PDPK1: variants seen among roughly 807,000 people sequenced by gnomAD.
PDPK1 encodes 3-phosphoinositide dependent protein kinase 1, also known as 3-phosphoinositide-dependent protein kinase 1.
A neutral mutation model predicts 39.8 loss-of-function variants in PDPK1; 7 were observed. The observed-to-expected ratio is 0.18, with a 90% CI of 0.10 to 0.33. PDPK1 has a LOEUF of 0.33. PDPK1 is among the 10% of genes least tolerant of loss of function. The pLI is 1.00. For missense variants in PDPK1, 182 were observed against 384.7 expected, an observed-to-expected ratio of 0.47 and a Z score of 4.41; for synonymous variants, 118 against 159.1, an observed-to-expected ratio of 0.74 and a Z score of 1.95.
In PDPK1 at chr16:2,595,877, C is replaced by G. The variant is rs200084489; in HGVS notation, c.1401+27C>G. 14 of 1,579,038 alleles carry G rather than the reference C, an allele frequency of 8.9e-6. No homozygotes were observed. The South Asian group carries it at 1.5e-4, about 17-fold the overall frequency. ...TGAGTGGTCAGTGGTCCCGCTGCTC[C>G]GCACGGACACCTGCATCTTCCCCGA... On this transcript the variant is annotated intron_variant, in intron 12 of 13. Coordinates refer to ENST00000342085, the MANE Select transcript of PDPK1 (RefSeq NM_002613.5).
Position 2,593,759 on chromosome 16 carries a change from G to A in PDPK1, c.1344-2034G>A, listed in dbSNP as rs2067040592. ...TCCTTTGTTGTTCCTCTGCGCTGTTGCCTGGTCACAGGCCTGTCTGTCAGA... is the reference window on the plus strand; with the variant it reads ...TCCTTTGTTGTTCCTCTGCGCTGTTACCTGGTCACAGGCCTGTCTGTCAGA... On this transcript the variant is annotated intron_variant, in intron 11 of 13. Coordinates refer to ENST00000342085, the MANE Select transcript of PDPK1 (RefSeq NM_002613.5). The surrounding 1 kb of genome is among the most constrained non-coding windows in gnomAD (Gnocchi z 4.2). The A allele has an allele frequency of 6.5e-6, 1 of 153,266 alleles. No homozygotes were observed. The highest frequency in any genetic ancestry group is 6.5e-5 in the Admixed American group (1 of 15,372). The allele number at this position is 153,266 out of a possible 1,614,324, so 9.5% of individuals were successfully genotyped here.
chr16:2,539,037 A>T, intron 1 of PDPK1: 2 of 208,538 alleles, frequency 9.6e-6, no homozygotes, highest in Non-Finnish European at 2.0e-5. Flanking sequence ...ATGAAGGAAA[A>T]CCCAAGAAAT....
At chr16:2,552,400 TGGGC>T (rs2066431788) in intron 1 of PDPK1, among the ~76,000 whole-genome samples, 1 of 151,652 alleles carries the variant, frequency 6.6e-6, no homozygotes, top group Non-Finnish European at 1.5e-5. Flanking sequence ...AGTTTACCCA[TGGGC>T]TACATTTTTA....
intron 1 of PDPK1, among the ~76,000 whole-genome samples, chr16:2,546,651 C>T (rs1383250378): frequency 1.3e-5 from 2 of 152,182 alleles, no homozygotes; most frequent in African/African-American, 2.4e-5. Flanking sequence ...CCCTTCTAAC[C>T]TTAAGCTGCT....
intron 1 of PDPK1, chr16:2,538,342 G>A (rs2066175697): frequency 5.0e-6 from 2 of 399,952 alleles, no homozygotes; most frequent in African/African-American, 4.2e-5. Flanking sequence ...GGTTGCGGCG[G>A]GCGGCGGCCT....
intron 6 of PDPK1, among the ~76,000 whole-genome samples, chr16:2,573,466 A>G (rs62039661): frequency 0.012 from 495 of 41,542 alleles, 2 homozygotes; most frequent in African/African-American, 0.069. Context: ...TGTAGTTTTC[A>G]GAGTATAAGC....
rs374109213 is a variant in PDPK1, at chr16:2,539,855, G to C, written c.24+1719G>C. Among the ~76,000 whole-genome samples the C allele has an allele frequency of 1.4e-3, 214 of 152,306 alleles. 1 individual carries two copies. Among genetic ancestry groups the C allele is most frequent in the African/African-American group, 3.5e-3 (145 of 41,556 alleles). Reference sequence around the variant, plus strand: ...TGGTGTCATCCACGGGAAGAGGAAAGAGCAAATTTTCTCATGGCCTTGGCA... The same window carrying C: ...TGGTGTCATCCACGGGAAGAGGAAACAGCAAATTTTCTCATGGCCTTGGCA... On this transcript the variant is annotated intron_variant, in intron 1 of 13. Transcript: ENST00000342085.
Position 2,597,070 on chromosome 16 carries a change from A to G in PDPK1, c.1402-53A>G. The G allele has an allele frequency of 1.4e-6, 2 of 1,456,648 alleles. No homozygotes were observed. Among genetic ancestry groups the G allele is most frequent in the Non-Finnish European group, 1.8e-6 (2 of 1,083,910 alleles). The allele number at this position is 1,456,648 out of a possible 1,614,324, so 90.2% of individuals were successfully genotyped here. A position where few individuals can be genotyped will look rare whatever the true frequency, so the allele number is the denominator to read the frequency against. On this transcript the variant is annotated intron_variant, in intron 12 of 13. Transcript: ENST00000342085. This position sits in a 1 kb window ranked among gnomAD's most constrained non-coding sequence, Gnocchi z 6.3. ...GCCGCCCAGCCCTCTAGGCTCCAGG[A>G]GATGCCGTCAGCACTGGCCTCTGAG...
In PDPK1 at chr16:2,597,720, G is replaced by A. The variant is rs772355571; in HGVS notation, c.1624G>A (p.Val542Ile). The A allele has an allele frequency of 6.2e-7, 1 of 1,613,656 alleles. No individual in the cohort carries two copies. The highest frequency in any genetic ancestry group is 2.2e-5 in the East Asian group (1 of 44,870). ...CAAGTGGTGCAGGAAGATCCAGGAG[G>A]TTTGGAGGCAGCGATACCAGAGCCA... ...AHKWCRKIQEVWRQRYQSHPD... is the reference protein window; with the variant it reads ...AHKWCRKIQEIWRQRYQSHPD... The change falls in exon 14 of 14, where the codon GTT (valine) becomes ATT (isoleucine). Residue 542 changes from valine to isoleucine, a missense_variant. By Grantham distance (29) the Val-to-Ile change is conservative (BLOSUM62 3). This residue lies in a region of PDPK1 where 67 missense variants were observed against 87.8 expected (regional missense o/e 0.76). Transcript: ENST00000342085. The surrounding 1 kb of genome is among the most constrained non-coding windows in gnomAD (Gnocchi z 6.3).
At chr16:2,578,156 G>GT (rs1389066084) in intron 7 of PDPK1, among the ~76,000 whole-genome samples, 1 of 148,238 alleles carries the variant, frequency 6.7e-6, no homozygotes, top group African/African-American at 2.6e-5. Context: ...CGGCCTTCGG[G>GT]TTGCTCGGCC....
intron 10 of PDPK1, among the ~76,000 whole-genome samples, chr16:2,586,343 C>G (rs1454836861): frequency 2.6e-5 from 4 of 152,260 alleles, no homozygotes; most frequent in Non-Finnish European, 4.4e-5. Flanking sequence ...GCAGGCATCC[C>G]AGCCCCCACC....
intron 1 of PDPK1, among the ~76,000 whole-genome samples, chr16:2,545,159 C>T (rs1461250264): frequency 6.6e-6 from 1 of 151,400 alleles, no homozygotes; most frequent in Non-Finnish European, 1.5e-5. Context: ...GCCTCTGCCT[C>T]CCAAGTAGCT....
At chr16:2,542,860 C>G (rs1025027772) in intron 1 of PDPK1, among the ~76,000 whole-genome samples, 3 of 151,470 alleles carry the variant, frequency 2.0e-5, no homozygotes, top group Non-Finnish European at 4.4e-5. Context: ...GGTGACAGTG[C>G]CCTCTCCCCG....
At position 2,591,627 on chromosome 16, in the gene PDPK1, G is replaced by T. The variant is rs551758847; in HGVS notation, c.1344-4166G>T. On this transcript the variant is annotated intron_variant, in intron 11 of 13. Coordinates refer to ENST00000342085, the MANE Select transcript of PDPK1 (RefSeq NM_002613.5). ...CTAGCTGTTTATCTGAGTGAGGCTG[G>T]GTGTTTGCCGTGTTCTTCCGCCTGA... Among the ~76,000 whole-genome samples, 17 of 152,252 alleles carry T rather than the reference G, an allele frequency of 1.1e-4. No homozygotes were observed. In the South Asian group the frequency reaches 3.3e-3, roughly 30 times the overall value.
At chr16:2,546,344 A>T (rs2066346027) in intron 1 of PDPK1, among the ~76,000 whole-genome samples, 1 of 128,370 alleles carries the variant, frequency 7.8e-6, no homozygotes, top group Admixed American at 8.3e-5. Context: ...AGCCTCCCAA[A>T]GTGCTTTGAG....
At chr16:2,541,992 T>C (rs2066253596) in intron 1 of PDPK1, among the ~76,000 whole-genome samples, 1 of 151,946 alleles carries the variant, frequency 6.6e-6, no homozygotes, top group South Asian at 2.1e-4. Context: ...TTTCTGTACC[T>C]GATGTTGGTT....
Position 2,598,097 on chromosome 16 carries a change from C to T in PDPK1, c.*330C>T, listed in dbSNP as rs1041233418. 4 of 365,484 alleles carry T rather than the reference C, an allele frequency of 1.1e-5. No homozygotes were observed. The highest frequency in any genetic ancestry group is 6.1e-5 in the African/African-American group (3 of 48,928). 22.6% of individuals were successfully genotyped at this position (365,484 alleles called of 1,614,324 possible). A position where few individuals can be genotyped will look rare whatever the true frequency, so the allele number is the denominator to read the frequency against. On this transcript the variant is annotated 3_prime_UTR_variant, in exon 14 of 14. Transcript: ENST00000342085. ...CCAGACTAGTGGACAGACCTGGTGT[C>T]ACCAGTTTTTCCTAGCATCAGTCCG...
At chr16:2,591,720 C>T (rs1300891341) in intron 11 of PDPK1, among the ~76,000 whole-genome samples, 1 of 152,216 alleles carries the variant, frequency 6.6e-6, no homozygotes, top group Non-Finnish European at 1.5e-5. Flanking sequence ...ATCAGCCGAA[C>T]AGGAGAGGCC....
chr16:2,545,316 GTTC>G (rs969394454), intron 1 of PDPK1, among the ~76,000 whole-genome samples: 35 of 151,612 alleles, frequency 2.3e-4, no homozygotes, highest in Admixed American at 4.6e-4. Flanking sequence ...GCTCTTTCTT[GTTC>G]TTCTTTCTTT....
Sources: gnomAD v4.1 joint callset for allele counts (sites outside exome capture counted in the v4.1 genomes callset) on GRCh38, gnomAD v4.1.1 for gene constraint, gnomAD v4.1.1 regional missense constraint, Gnocchi (gnomAD v3.1) non-coding constraint, MANE v1.5 for transcripts, NCBI Gene and HGNC (gene_info 2026-07-23, HGNC 2026-07-21) for gene names.